Variants in EXPH5 observed in about 807,000 individuals in gnomAD.
The protein encoded by EXPH5 is exophilin 5.
In EXPH5, 42 loss-of-function variants were observed where a neutral mutation model predicts 41.1. The observed-to-expected ratio is 1.02, with a 90% CI of 0.80 to 1.32. EXPH5 has a LOEUF of 1.32. EXPH5 is among the 40% of genes most tolerant of loss of function. The pLI, the probability that EXPH5 is intolerant of heterozygous loss-of-function variation, is 0.00. For missense variants in EXPH5, 2,298 were observed against 2,314.5 expected (o/e 0.99, Z 0.15); for synonymous variants, 798 against 833.5 (o/e 0.96, Z 0.73).
At chr11:108,521,149 C>T (rs2093762706) in intron 4 of EXPH5, among the ~76,000 whole-genome samples, 1 of 152,174 alleles carries the variant, frequency 6.6e-6, no homozygotes, top group South Asian at 2.1e-4. Context: ...CCTCTCCCCA[C>T]CTCAAAATTT....
At chr11:108,583,785 A>G (rs1034855421) in intron 1 of EXPH5, among the ~76,000 whole-genome samples, 3 of 152,222 alleles carry the variant, frequency 2.0e-5, no homozygotes, top group African/African-American at 7.2e-5. Flanking sequence ...CAATACTCCT[A>G]TTCAACATCA....
chr11:108,604,333 C>A, the EXPH5 span, among the ~76,000 whole-genome samples: 1 of 151,800 alleles, frequency 6.6e-6, no homozygotes, highest in Non-Finnish European at 1.5e-5. Context: ...GGAGTTAAGG[C>A]TGCAGTGAGC....
In EXPH5 at chr11:108,514,771, A is replaced by G; in HGVS notation, c.736T>C (p.Tyr246His). The change falls in exon 6 of 6, where the codon TAT becomes CAT. Residue 246 changes from tyrosine to histidine, a missense_variant. Tyr to His is a moderately conservative substitution (Grantham distance 83). Coordinates refer to ENST00000265843, the MANE Select transcript of EXPH5 (RefSeq NM_015065.3). ...YGSRTQFGHF[Y>H]SSGNRHGNIT... ...TTACCATGTCTGTTACCACTGGAAT[A>G]AAAGTGACCGAACTGTGTTCTTGAT... 1.2e-6 allele frequency: 2 copies of G among 1,610,508 alleles called. No individual in the cohort carries two copies. The highest frequency in any genetic ancestry group is 2.2e-5 in the South Asian group (2 of 90,086).
chr11:108,590,563 G>A (rs913740195), intron 1 of EXPH5, among the ~76,000 whole-genome samples: 2 of 152,144 alleles, frequency 1.3e-5, no homozygotes, highest in African/African-American at 2.4e-5. Flanking sequence ...GCTGCCTTCT[G>A]CATGATGAAC....
chr11:108,557,469 T>C (rs1485837217), intron 1 of EXPH5, among the ~76,000 whole-genome samples: 3 of 152,156 alleles, frequency 2.0e-5, no homozygotes, highest in African/African-American at 4.8e-5. Context: ...TCAGCCTCCC[T>C]AGCATAGCTG....
chr11:108,605,327 A>C, the EXPH5 span, among the ~76,000 whole-genome samples: 2 of 152,144 alleles, frequency 1.3e-5, no homozygotes, highest in African/African-American at 4.8e-5. Context: ...TCACAAGTGA[A>C]AGTCATGGAA....
At chr11:108,600,103 G>C in the EXPH5 span, among the ~76,000 whole-genome samples, 3 of 152,162 alleles carry the variant, frequency 2.0e-5, no homozygotes, top group Non-Finnish European at 4.4e-5. Flanking sequence ...ATGGAGATGG[G>C]GGAAAAGCGT....
rs1445871437 is a variant in EXPH5 at position 108,513,185 on chromosome 11, G to C, written c.2322C>G (p.Ser774=). ...ISSKKSPRVF[S]RKDTSKMYIP... ...TATACATTTTGGAGGTATCTTTCCT[G>C]GAAAAGACTCTGGGTGACTTTTTTG... Residue 774 remains serine (S), a synonymous_variant, in exon 6 of 6, where the codon TCC becomes TCG. Coordinates refer to ENST00000265843, the MANE Select transcript of EXPH5 (RefSeq NM_015065.3). The C allele has an allele frequency of 1.2e-6, 2 of 1,614,050 alleles. No homozygotes were observed. Among genetic ancestry groups the C allele is most frequent in the Admixed American group, 3.3e-5 (2 of 60,010 alleles).
At chr11:108,573,821 G>A (rs908206030) in intron 1 of EXPH5, among the ~76,000 whole-genome samples, 1 of 152,192 alleles carries the variant, frequency 6.6e-6, no homozygotes, top group African/African-American at 2.4e-5. Flanking sequence ...GAAGCAGGAG[G>A]ATCACTTGAG....
intron 2 of EXPH5, 130 bp from the exon 3 acceptor site, chr11:108,539,316 A>G (rs1455731913): frequency 3.2e-6 from 2 of 622,116 alleles, no homozygotes; most frequent in Non-Finnish European, 5.4e-6. Context: ...GCAACCTCAC[A>G]TGAAGACCTC....
At chr11:108,531,060 A>G (rs570834435) in intron 3 of EXPH5, among the ~76,000 whole-genome samples, 1 of 152,324 alleles carries the variant, frequency 6.6e-6, no homozygotes, top group South Asian at 2.1e-4. Flanking sequence ...TTCAAGGGAT[A>G]CTAAGTTACC....
intron 1 of EXPH5, among the ~76,000 whole-genome samples, chr11:108,550,775 T>A (rs2093960365): frequency 6.6e-6 from 1 of 151,684 alleles, no homozygotes; most frequent in South Asian, 2.1e-4. Flanking sequence ...TGAGACTTCG[T>A]CTCAAAAAAT....
rs988420507 is a variant in EXPH5 at position 108,506,122 on chromosome 11, T to G, written c.*3415A>C. On this transcript the variant is annotated 3_prime_UTR_variant, in exon 6 of 6. Transcript: ENST00000265843. Reference sequence around the variant, plus strand: ...TACGATTGATTCCCCTATGATTTACTCCATTTACATGAATGTTTATTTTAA... The same window carrying G: ...TACGATTGATTCCCCTATGATTTACGCCATTTACATGAATGTTTATTTTAA... 6.6e-6 allele frequency: 1 copy of G among 152,214 alleles called. No individual in the cohort carries two copies. Among genetic ancestry groups the G allele is most frequent in the East Asian group, 1.9e-4 (1 of 5,206 alleles). The allele number at this position is 152,214 out of a possible 1,614,324, so 9.4% of individuals were successfully genotyped here. A position where few individuals can be genotyped will look rare whatever the true frequency, so the allele number is the denominator to read the frequency against.
Position 108,512,886 on chromosome 11 carries a change from C to A in EXPH5, c.2621G>T (p.Cys874Phe). The A allele has an allele frequency of 1.9e-6, 3 of 1,614,020 alleles. No homozygotes were observed. The highest frequency in any genetic ancestry group is 2.5e-6 in the Non-Finnish European group (3 of 1,179,930). ...CKLTPGHKTS[C>F]DSLDLSSAAL... ...AGCTGATGACAGATCTAAAGAATCA[C>A]ACGAGGTCTTGTGGCCAGGAGTTAA... is the stretch of plus-strand genomic sequence containing the variant. The change falls in exon 6 of 6, where the codon TGT becomes TTT. Residue 874 changes from cysteine (C) to phenylalanine (F), a missense_variant. Transcript: ENST00000265843.
the EXPH5 span, among the ~76,000 whole-genome samples, chr11:108,599,170 G>C: frequency 6.6e-6 from 1 of 152,028 alleles, no homozygotes; most frequent in African/African-American, 2.4e-5. Context: ...CTGCCTCCAA[G>C]CTAGAGGAAC....
intron 1 of EXPH5, among the ~76,000 whole-genome samples, chr11:108,585,848 G>A (rs761752951): frequency 2.0e-5 from 3 of 152,198 alleles, no homozygotes; most frequent in Non-Finnish European, 4.4e-5. Flanking sequence ...GTGTTCTTCA[G>A]TGGGTGAAAG....
At position 108,527,407 on chromosome 11, in the gene EXPH5, G is replaced by A. The variant is rs540569805; in HGVS notation, c.492+729C>T. Among the ~76,000 whole-genome samples, 3 of 152,246 alleles carry A rather than the reference G, an allele frequency of 2.0e-5. No homozygotes were observed. The East Asian group carries it at 5.8e-4, about 29-fold the overall frequency. On this transcript the variant is annotated intron_variant, in intron 4 of 5. Transcript: ENST00000265843. Reference sequence around the variant, plus strand: ...GCAAAGAGAGAGGGAGGGAGAGAGAGAGAGAGAGAGAAAGAAAAAGGGAGG... The same window carrying A: ...GCAAAGAGAGAGGGAGGGAGAGAGAAAGAGAGAGAGAAAGAAAAAGGGAGG...
chr11:108,523,325 AGT>A (rs1456117502), intron 4 of EXPH5, among the ~76,000 whole-genome samples: 1 of 152,178 alleles, frequency 6.6e-6, no homozygotes, highest in Non-Finnish European at 1.5e-5. Flanking sequence ...ATCTCATGCA[AGT>A]GCCTTACTGA....
intron 1 of EXPH5, among the ~76,000 whole-genome samples, chr11:108,583,544 G>A (rs1362910717): frequency 3.3e-5 from 5 of 151,810 alleles, no homozygotes; most frequent in South Asian, 4.2e-4. Context: ...TCTACAGGCC[G>A]GGCATGGTGG....
Sources: allele counts gnomAD v4.1 joint callset (sites outside exome capture counted in the v4.1 genomes callset), GRCh38; gene constraint gnomAD v4.1.1; transcripts MANE v1.5; gene names NCBI Gene and HGNC (gene_info 2026-07-23, HGNC 2026-07-21).